The following CDH23 variants were observed in gnomAD, a reference collection of about 807,000 sequenced individuals.
CDH23 encodes cadherin related 23.
Under a neutral mutation model 317.1 loss-of-function variants are expected in CDH23, and 189 were observed. The observed-to-expected ratio is 0.60, with a 90% CI of 0.53 to 0.67. The LOEUF (loss-of-function observed/expected upper bound fraction) is 0.67, where lower values mean the gene tolerates loss of function less well. CDH23 is among the 30% of genes least tolerant of loss of function. The pLI, the probability that CDH23 is intolerant of heterozygous loss-of-function variation, is 0.00. For missense variants in CDH23, 4,401 were observed against 4,592.4 expected, an observed-to-expected ratio of 0.96 and a Z score of 1.20; for synonymous variants, 1,839 against 1,876.8, an observed-to-expected ratio of 0.98 and a Z score of 0.52.
intron 30 of CDH23, among the ~76,000 whole-genome samples, chr10:71,729,352 G>A (rs941421998): frequency 6.6e-6 from 1 of 152,218 alleles, no homozygotes; most frequent in Non-Finnish European, 1.5e-5. Context: ...GTGGAACAGG[G>A]TGCAACCAGC....
chr10:71,694,176 C>A lies in CDH23; in HGVS notation c.2206C>A (p.Arg736=), dbSNP rs1230303971. 1 of 1,613,794 alleles carries A rather than the reference C, an allele frequency of 6.2e-7. No homozygotes were observed. The highest frequency in any genetic ancestry group is 8.5e-7 in the Non-Finnish European group (1 of 1,179,862). ...GEITTTSLLD[R]ETKSEYILIV... ...AATCACCACCACGTCTCTGCTTGAC[C>A]GAGAGACCAAGTCTGAATACATCCT... The change falls in exon 21 of 70, where the codon CGA becomes AGA. Residue 736 remains arginine, a synonymous_variant. Coordinates refer to ENST00000224721, the MANE Select transcript of CDH23 (RefSeq NM_022124.6).
At position 71,508,201 on chromosome 10, in the gene CDH23, G is replaced by A. The variant is rs573255300; in HGVS notation, c.146-1881G>A. The stretch of plus-strand genomic sequence containing the variant: ...GAGAATCCACATGAATGGACCTTGT[G>A]TCTGGCATATCATAAGAGCCCAGTG... On this transcript the variant is annotated intron_variant, in intron 3 of 69. Transcript: ENST00000224721. The A allele has an allele frequency of 4.6e-5, 7 of 152,302 alleles. No homozygotes were observed. In the South Asian group the frequency reaches 1.5e-3, roughly 32 times the overall value. 9.4% of individuals were successfully genotyped at this position (152,302 alleles called of 1,614,324 possible). A position where few individuals can be genotyped will look rare whatever the true frequency, so the allele number is the denominator to read the frequency against.
chr10:71,799,713 A>G (rs1019542712), intron 52 of CDH23, 84 bp downstream of exon 52: 6 of 1,583,140 alleles, frequency 3.8e-6, no homozygotes, highest in Non-Finnish European at 5.2e-6. Flanking sequence ...GTATTGTAGT[A>G]ATCCCTCTGG....
Position 71,413,042 on chromosome 10 carries a change from A to C in CDH23, c.-6+15724A>C, listed in dbSNP as rs914058653. 4.9e-4 allele frequency among the ~76,000 whole-genome samples: 74 copies of C among 152,314 alleles called. 2 individuals carry two copies. Among genetic ancestry groups the C allele is most frequent in the African/African-American group, 1.8e-3 (73 of 41,572 alleles). ...TGCCTGTGCTTTTGGTGTCATATCC[A>C]ATAAATCATTGCTAAATCCAATATC... On this transcript the variant is annotated intron_variant, in intron 1 of 69. Coordinates refer to ENST00000224721, the MANE Select transcript of CDH23 (RefSeq NM_022124.6).
chr10:71,713,271 C>T, intron 28 of CDH23: 1 of 779,356 alleles, frequency 1.3e-6, no homozygotes. Flanking sequence ...GCCCAGGGAG[C>T]AGGCGCAACA....
At chr10:71,615,670 A>C in intron 10 of CDH23, 54 bp downstream of exon 10, 2 of 1,288,140 alleles carry the variant, frequency 1.6e-6, no homozygotes, top group Non-Finnish European at 2.2e-6. Context: ...CCCTACTCGG[A>C]TGCCAACCTC....
intron 25 of CDH23, among the ~76,000 whole-genome samples, chr10:71,705,989 G>A (rs1349220512): frequency 2.6e-5 from 4 of 152,144 alleles, no homozygotes; most frequent in African/African-American, 4.8e-5. Context: ...CCATTGGTCC[G>A]AAGCTTGCCT....
At chr10:71,710,387 A>G (rs1678561357) in intron 27 of CDH23, among the ~76,000 whole-genome samples, 1 of 152,222 alleles carries the variant, frequency 6.6e-6, no homozygotes, top group Non-Finnish European at 1.5e-5. Flanking sequence ...TCACATGCCC[A>G]TCCTGGGCCC....
rs760484951 is a variant in CDH23, at chr10:71,807,325, C to T, written c.8227C>T (p.Arg2743Cys). 6.8e-6 allele frequency: 11 copies of T among 1,613,914 alleles called. No homozygotes were observed. The highest frequency in any genetic ancestry group is 3.3e-5 in the South Asian group (3 of 91,056). ...GCTGACAGTGCCTGAGCACTCACCA[C>T]GCGGCACCCTCGTGGGCAACGTGAC... ...QLLTVPEHSP[R>C]GTLVGNVTGA... is the part of the protein sequence containing the mutation. Residue 2743 changes from arginine to cysteine, a missense_variant, in exon 58 of 70, where the codon CGC becomes TGC. By Grantham distance (180) the Arg-to-Cys change is radical. Coordinates refer to ENST00000224721, the MANE Select transcript of CDH23 (RefSeq NM_022124.6).
At position 71,751,876 on chromosome 10, in the gene CDH23, G is replaced by C; in HGVS notation, c.4845+9955G>C. The C allele has an allele frequency of 6.5e-7, 1 of 1,539,158 alleles. No individual in the cohort carries two copies. The highest frequency in any genetic ancestry group is 8.8e-7 in the Non-Finnish European group (1 of 1,140,682). The stretch of plus-strand genomic sequence containing the variant: ...CTTGAATGTTGCTGCCACAGAACCA[G>C]AATGGAAGGTCATCTGTGCTGTCCG... On this transcript the variant is annotated intron_variant, in intron 38 of 69. Transcript: ENST00000224721. This position sits in a 1 kb window ranked among gnomAD's most constrained non-coding sequence, Gnocchi z 4.9.
chr10:71,752,951 CAAG>C, intron 38 of CDH23: 2 of 1,611,664 alleles, frequency 1.2e-6, no homozygotes, highest in East Asian at 2.2e-5. Context: ...GAAGTTTTCT[CAAG>C]AAGGTCTCCA....
intron 18 of CDH23, among the ~76,000 whole-genome samples, chr10:71,684,035 C>G (rs112990988): frequency 1.3e-5 from 2 of 151,972 alleles, no homozygotes; most frequent in Admixed American, 6.6e-5. Flanking sequence ...GAGCCGAGAT[C>G]GCACCATTGC....
chr10:71,661,039 G>A (rs916906699), intron 14 of CDH23, among the ~76,000 whole-genome samples: 1 of 152,290 alleles, frequency 6.6e-6, no homozygotes, highest in East Asian at 1.9e-4. Context: ...TTCAGAGAAG[G>A]TAGCTCTGTG....
At chr10:71,487,483 C>T (rs1852415505) in intron 3 of CDH23, among the ~76,000 whole-genome samples, 1 of 152,156 alleles carries the variant, frequency 6.6e-6, no homozygotes, top group Admixed American at 6.5e-5. Flanking sequence ...TAAGAAACTG[C>T]AAACAGCGGT....
intron 1 of CDH23, among the ~76,000 whole-genome samples, chr10:71,400,991 C>A (rs946603328): frequency 2.6e-5 from 4 of 152,070 alleles, no homozygotes; most frequent in Non-Finnish European, 5.9e-5. Context: ...TTATTTTGAG[C>A]CTTGCTTTGG....
rs1841790913 is a variant in CDH23, at chr10:71,808,006, G to C, written c.8721G>C (p.Met2907Ile). 3 of 1,582,136 alleles carry C rather than the reference G, an allele frequency of 1.9e-6. No homozygotes were observed. ...AAGATGTGGGCCAGGTCTTCACCATGGGTAGGGCCTGGCAGCACATGAGTG... is the reference window on the plus strand; with the variant it reads ...AAGATGTGGGCCAGGTCTTCACCATCGGTAGGGCCTGGCAGCACATGAGTG... ...DSEDVGQVFT[M>I]GSMDGILRTF... Residue 2907 changes from methionine (M) to isoleucine (I), a missense_variant and splice_region_variant, in exon 60 of 70, where the codon ATG becomes ATC. Physicochemically the swap from Met to Ile is conservative, Grantham distance 10 (BLOSUM62 1). This residue lies in a region of CDH23 where 1,144 missense variants were observed against 1,138.2 expected (regional missense o/e 1.01). Coordinates refer to ENST00000224721, the MANE Select transcript of CDH23 (RefSeq NM_022124.6).
intron 28 of CDH23, among the ~76,000 whole-genome samples, chr10:71,720,012 T>TTACTGCCTC (rs1866476365): frequency 6.6e-6 from 1 of 152,228 alleles, no homozygotes; most frequent in South Asian, 2.1e-4. Flanking sequence ...GGGGAGGGTT[T>TTACTGCCTC]TACTGCCTCT....
rs1222556380 is a variant in CDH23, at chr10:71,777,805, C to T, written c.4971C>T (p.Ile1657=). 2 of 1,613,856 alleles carry T rather than the reference C, an allele frequency of 1.2e-6. No homozygotes were observed. The highest frequency in any genetic ancestry group is 1.7e-6 in the Non-Finnish European group (2 of 1,179,888). The part of the protein sequence containing the change: ...PDTLNTSLIT[I]QALDLDEGPN... The stretch of plus-strand genomic sequence containing the variant: ...CGCTCAACACCAGCCTCATCACCAT[C>T]CAGGCACTGGACCTGGATGAGGGTC... The change falls in exon 39 of 70, where the codon ATC becomes ATT. Residue 1657 remains isoleucine (I), a synonymous_variant. Transcript: ENST00000224721.
chr10:71,568,234 A>G (rs994954481), intron 7 of CDH23, among the ~76,000 whole-genome samples: 1 of 152,200 alleles, frequency 6.6e-6, no homozygotes, highest in Non-Finnish European at 1.5e-5. Context: ...TGCTGTTTGT[A>G]AAACTGACCT....
Sources: gnomAD v4.1 joint callset for allele counts (sites outside exome capture counted in the v4.1 genomes callset) on GRCh38, gnomAD v4.1.1 for gene constraint, gnomAD v4.1.1 regional missense constraint, Gnocchi (gnomAD v3.1) non-coding constraint, MANE v1.5 for transcripts, NCBI Gene and HGNC (gene_info 2026-07-23, HGNC 2026-07-21) for gene names.